The following PCDH20 variants were observed in gnomAD, a reference collection of about 807,000 sequenced individuals.
PCDH20 encodes the protein protocadherin 20.
PCDH20 carries 18 observed loss-of-function variants against 39.7 expected under a neutral mutation model. That is an observed-to-expected ratio of 0.45 (90% CI 0.31 to 0.67). PCDH20 has a LOEUF of 0.67. Ranked by LOEUF, PCDH20 falls within the 30% of genes least tolerant of loss-of-function variation. The pLI is 0.05. For synonymous variants in PCDH20, 495 were observed against 455.4 expected, an observed-to-expected ratio of 1.09 and a Z score of -1.11; for missense variants, 1,161 against 1,167.4, an observed-to-expected ratio of 0.99 and a Z score of 0.08.
At chr13:61,415,228 C>T (rs552681186) in exon 1 of PCDH20, 3 of 1,290,860 alleles carry the variant, frequency 2.3e-6, no homozygotes, top group African/African-American at 3.1e-5. Context: ...TCGGTTCATG[C>T]AAATCGCTGG....
intron 1 of PCDH20, among the ~76,000 whole-genome samples, chr13:61,414,226 C>T (rs1054002462): frequency 1.3e-5 from 2 of 152,096 alleles, no homozygotes; most frequent in Admixed American, 6.5e-5. Context: ...TCACCACCCT[C>T]ATCCAGCTAA....
chr13:61,413,904 G>A, exon 2 of PCDH20: 1 of 1,613,622 alleles, frequency 6.2e-7, no homozygotes, highest in Admixed American at 1.7e-5. Flanking sequence ...GAAGCTCGGT[G>A]GCCCGGCTGT....
rs200308516 is a variant in PCDH20, at chr13:61,412,221, G to A, written c.1878C>T (p.Ala626=). 32 of 1,613,998 alleles carry A rather than the reference G, an allele frequency of 2.0e-5. No individual in the cohort carries two copies. In the Admixed American group the frequency reaches 4.7e-4, roughly 24 times the overall value. The stretch of plus-strand genomic sequence containing the variant: ...TGTCATTTTTATCCAACACTGTGAG[G>A]GCCACAGTGGCTACTGATTCTCTGG... The change falls in exon 2 of 2, where the codon GCC becomes GCT. Residue 626 remains alanine, a synonymous_variant. Coordinates refer to ENST00000409204, the Ensembl canonical transcript of PCDH20.
exon 2 of PCDH20, chr13:61,412,755 G>C: frequency 6.2e-7 from 1 of 1,614,132 alleles, no homozygotes; most frequent in Non-Finnish European, 8.5e-7. Flanking sequence ...CAATGGGAGT[G>C]TTAACGGGTT....
At chr13:61,412,943 T>C in exon 2 of PCDH20, 1 of 1,614,142 alleles carries the variant, frequency 6.2e-7, no homozygotes, top group Non-Finnish European at 8.5e-7. Context: ...CTTCCTCCAA[T>C]CTTACTGAAA....
chr13:61,414,503 G>GA (rs1167053921), intron 1 of PCDH20, among the ~76,000 whole-genome samples: 3 of 151,912 alleles, frequency 2.0e-5, no homozygotes, highest in Non-Finnish European at 4.4e-5. Context: ...TAATAATATA[G>GA]AAAAAATACC....
chr13:61,412,691 C>T (rs1483919183), exon 2 of PCDH20: 2 of 1,613,966 alleles, frequency 1.2e-6, no homozygotes, highest in Non-Finnish European at 1.7e-6. Context: ...CCTTCACCAT[C>T]CAGGTAGCAG....
At chr13:61,412,137 G>T (rs1182755582) in exon 2 of PCDH20, 1 of 1,614,060 alleles carries the variant, frequency 6.2e-7, no homozygotes, top group South Asian at 1.1e-5. Flanking sequence ...TCTCACCATA[G>T]CCTGGAAAGT....
chr13:61,414,173 C>T (rs368715242), intron 1 of PCDH20, among the ~76,000 whole-genome samples: 3 of 152,164 alleles, frequency 2.0e-5, no homozygotes, highest in East Asian at 3.9e-4. Context: ...TTGCTGTTCA[C>T]TTTCTATCCC....
At chr13:61,412,609 T>C (rs1878270563) in exon 2 of PCDH20, 1 of 1,614,184 alleles carries the variant, frequency 6.2e-7, no homozygotes, top group Non-Finnish European at 8.5e-7. Context: ...CTGTAGCTCA[T>C]AGTCCATAGG....
At position 61,415,177 on chromosome 13, in the gene PCDH20, C is replaced by A. The variant is rs1487380925; in HGVS notation, c.-19G>T. On this transcript the variant is annotated 5_prime_UTR_variant, in exon 1 of 2. The change abolishes the stop of an existing upstream ORF in the 5' untranslated region. Coordinates refer to ENST00000409204, the Ensembl canonical transcript of PCDH20. Reference sequence around the variant, plus strand: ...CGCGCATTCCCTGGGAGGCTGCAGTCAGAGCGCTCTTGAAGGGAGGGCGGC... The same window carrying A: ...CGCGCATTCCCTGGGAGGCTGCAGTAAGAGCGCTCTTGAAGGGAGGGCGGC... The A allele has an allele frequency of 2.1e-6, 3 of 1,399,604 alleles. No individual in the cohort carries two copies. The highest frequency in any genetic ancestry group is 1.5e-5 in the South Asian group (1 of 65,574). The allele number at this position is 1,399,604 out of a possible 1,614,324, so 86.7% of individuals were successfully genotyped here.
At chr13:61,410,495 T>G in exon 2 of PCDH20, 1 of 152,430 alleles carries the variant, frequency 6.6e-6, no homozygotes, top group East Asian at 1.9e-4. Context: ...GAAGAATATA[T>G]ATATGTATGT....
exon 2 of PCDH20, chr13:61,410,225 A>C (rs1878218587): frequency 6.6e-6 from 1 of 152,140 alleles, no homozygotes; most frequent in East Asian, 1.9e-4. Flanking sequence ...TAACTTTCAT[A>C]TAAAAGGCCC....
At chr13:61,410,257 A>T (rs1392224266) in exon 2 of PCDH20, 2 of 152,138 alleles carry the variant, frequency 1.3e-5, no homozygotes, top group African/African-American at 2.4e-5. Flanking sequence ...CCAGTAGTGT[A>T]CACAAGCCTC....
At chr13:61,412,785 C>A (rs3812872) in exon 2 of PCDH20, 1,167,101 of 1,613,738 alleles carry the variant, frequency 0.72, 424,287 homozygotes, top group East Asian at 0.92. Context: ...TCAGATAAAC[C>A]ACACCATCTA....
At chr13:61,413,129 G>T in exon 2 of PCDH20, 1 of 1,614,180 alleles carries the variant, frequency 6.2e-7, no homozygotes, top group South Asian at 1.1e-5. Context: ...ACATTGATTT[G>T]TGAGTCTGTG....
At chr13:61,414,005 G>C in intron 1 of PCDH20, 39 bp from the exon 2 acceptor site, 14 of 1,514,050 alleles carry the variant, frequency 9.2e-6, no homozygotes, top group Non-Finnish European at 1.3e-5. Flanking sequence ...TTACACACAC[G>C]GGGAAATAGG....
exon 2 of PCDH20, chr13:61,413,908 C>A (rs1267404867): frequency 6.2e-6 from 10 of 1,613,242 alleles, no homozygotes; most frequent in Non-Finnish European, 8.5e-6. Context: ...CTCGGTGGCC[C>A]GGCTGTAACT....
exon 2 of PCDH20, chr13:61,411,408 G>A: frequency 6.2e-7 from 1 of 1,614,026 alleles, no homozygotes; most frequent in Non-Finnish European, 8.5e-7. Flanking sequence ...TGGAACCCAA[G>A]CTTATTACAG....
Sources: allele counts gnomAD v4.1 joint callset (sites outside exome capture counted in the v4.1 genomes callset), GRCh38; gene constraint gnomAD v4.1.1; transcripts MANE v1.5; gene names NCBI Gene and HGNC (gene_info 2026-07-23, HGNC 2026-07-21).